OVOL2: variants seen among roughly 807,000 people sequenced by gnomAD.
The protein encoded by OVOL2 is ovo like zinc finger 2, also known as transcription factor Ovo-like 2.
A neutral mutation model predicts 18.1 loss-of-function variants in OVOL2; 13 were observed. The ratio of observed to expected loss-of-function variants is 0.72; its 90% CI spans 0.47 to 1.14. The LOEUF (loss-of-function observed/expected upper bound fraction) is 1.14. Among genes scored for constraint, OVOL2 ranks in the 50% most tolerant of loss-of-function variants. The pLI is 0.00. For synonymous variants in OVOL2, 166 were observed against 162.7 expected, an observed-to-expected ratio of 1.02 and a Z score of -0.16; for missense variants, 335 against 383.0, an observed-to-expected ratio of 0.87 and a Z score of 1.05.
chr20:18,057,581 G>A lies in OVOL2; in HGVS notation c.54C>T (p.Ser18=). 6.3e-7 allele frequency: 1 copy of A among 1,597,924 alleles called. No homozygotes were observed. Among genetic ancestry groups the A allele is most frequent in the Non-Finnish European group, 8.5e-7 (1 of 1,172,130 alleles). ...TTTTCTCATCCGGGAGCTCATCCCA[G>A]CTGCGGACCGAGACCCCCAGGCTCC... ...KRRSLGVSVR[S]WDELPDEKRA... is the part of the protein sequence containing the mutation. Residue 18 remains serine, a synonymous_variant, in exon 1 of 4, where the codon AGC becomes AGT. Transcript: ENST00000278780. This position sits in a 1 kb window ranked among gnomAD's most constrained non-coding sequence, Gnocchi z 6.3.
intron 3 of OVOL2, among the ~76,000 whole-genome samples, chr20:18,028,785 C>G (rs776253033): frequency 6.6e-6 from 1 of 151,616 alleles, no homozygotes; most frequent in Admixed American, 6.6e-5. Flanking sequence ...AGAGCGAGAC[C>G]CTGTCTCAAA....
intron 2 of OVOL2, among the ~76,000 whole-genome samples, chr20:18,051,241 A>G (rs890455548): frequency 6.6e-6 from 1 of 152,022 alleles, no homozygotes; most frequent in Non-Finnish European, 1.5e-5. Flanking sequence ...GAAAGAAAAG[A>G]AAGAACTAAT....
rs146526409 is a variant in OVOL2, at chr20:18,030,272, C to T, written c.512-5320G>A. On this transcript the variant is annotated intron_variant, in intron 3 of 3. Coordinates refer to ENST00000278780, the MANE Select transcript of OVOL2 (RefSeq NM_021220.4). ...GGCTCCCACTACCCAGTAGATCAAG[C>T]GGCAAACCCGATTTCCAACCTTCAG... is the stretch of plus-strand genomic sequence containing the variant. 2.0e-5 allele frequency among the ~76,000 whole-genome samples: 3 copies of T among 152,312 alleles called. No homozygotes were observed. The East Asian group carries it at 5.8e-4, about 29-fold the overall frequency.
chr20:18,043,403 A>G (rs6132020), intron 2 of OVOL2, among the ~76,000 whole-genome samples: 29,465 of 152,140 alleles, frequency 0.19, 3,183 homozygotes, highest in Non-Finnish European at 0.25. Context: ...CTTCCCTCTT[A>G]TAAGCCAGCT....
Position 18,024,371 on chromosome 20 carries a change from G to A in OVOL2, c.*265C>T, listed in dbSNP as rs975386744. The A allele has an allele frequency of 8.6e-6, 4 of 467,618 alleles. No individual in the cohort carries two copies. Among genetic ancestry groups the A allele is most frequent in the Middle Eastern group, 6.4e-4 (1 of 1,552 alleles). 29.0% of individuals were successfully genotyped at this position (467,618 alleles called of 1,614,324 possible). A position where few individuals can be genotyped will look rare whatever the true frequency, so the allele number is the denominator to read the frequency against. ...CTTGGGGGAAAAAAAAATCCCACAC[G>A]GTGTTCTTGGCCATCAGGATCATGA... On this transcript the variant is annotated 3_prime_UTR_variant, in exon 4 of 4. Transcript: ENST00000278780.
chr20:18,038,424 G>A lies in OVOL2; in HGVS notation c.511+3110C>T, dbSNP rs574638351. 1.4e-4 allele frequency among the ~76,000 whole-genome samples: 21 copies of A among 152,250 alleles called. 1 individual carries two copies. The South Asian group carries it at 4.3e-3, about 32-fold the overall frequency. ...AGATGGAAAAATTAAGGTGAAAGAC[G>A]AATAATTTAGAACAAGTCTCACAGT... On this transcript the variant is annotated intron_variant, in intron 3 of 3. Transcript: ENST00000278780.
chr20:18,037,680 C>A (rs1326586644), intron 3 of OVOL2, among the ~76,000 whole-genome samples: 3 of 152,170 alleles, frequency 2.0e-5, no homozygotes, highest in Non-Finnish European at 4.4e-5. Context: ...GCCCAGGAGT[C>A]AGGAGGTCCA....
intron 2 of OVOL2, among the ~76,000 whole-genome samples, chr20:18,048,016 G>A (rs1018673890): frequency 4.6e-5 from 7 of 151,870 alleles, no homozygotes; most frequent in Admixed American, 4.6e-4. Context: ...GGCCAGATAC[G>A]GTGGCTCCTG....
chr20:18,044,830 T>C (rs984650506), intron 2 of OVOL2, among the ~76,000 whole-genome samples: 9 of 152,120 alleles, frequency 5.9e-5, no homozygotes, highest in African/African-American at 2.2e-4. Context: ...GCAAAGAACA[T>C]TCCAGGAGAG....
At chr20:18,035,214 G>T (rs1246166367) in intron 3 of OVOL2, among the ~76,000 whole-genome samples, 1 of 152,198 alleles carries the variant, frequency 6.6e-6, no homozygotes, top group Non-Finnish European at 1.5e-5. Context: ...ACTTTGGAAG[G>T]GTAAGGCAGG....
At chr20:18,058,017 G>T, upstream of OVOL2, 1 of 328,144 alleles carries the variant, frequency 3.0e-6, no homozygotes, top group Non-Finnish European at 4.8e-6. Context: ...CCTTCCTTAG[G>T]CATGAATGTT....
rs375022280 is a variant in OVOL2, at chr20:18,041,665, C to A, written c.380G>T (p.Gly127Val). 31 of 1,613,986 alleles carry A rather than the reference C, an allele frequency of 1.9e-5. No homozygotes were observed. Among genetic ancestry groups the A allele is most frequent in the Non-Finnish European group, 2.5e-5 (30 of 1,180,030 alleles). ...VVHSCDLCGK[G>V]FRLQRMLNRH... ...GTTCAGCATGCGCTGCAGACGGAAGCCCTTGCCACACAGGTCACAGCTGTG... is the reference window on the plus strand; with the variant it reads ...GTTCAGCATGCGCTGCAGACGGAAGACCTTGCCACACAGGTCACAGCTGTG... The change falls in exon 3 of 4, where the codon GGC becomes GTC. Residue 127 changes from glycine (G) to valine (V), a missense_variant. Physicochemically the swap from Gly to Val is moderately radical, Grantham distance 109. Coordinates refer to ENST00000278780, the MANE Select transcript of OVOL2 (RefSeq NM_021220.4).
intron 2 of OVOL2, among the ~76,000 whole-genome samples, chr20:18,046,944 A>C (rs77136133): frequency 5.4e-5 from 7 of 129,042 alleles, no homozygotes; most frequent in African/African-American, 2.1e-4. Flanking sequence ...CTGAAGGATC[A>C]AAAAAAAAAA....
upstream of OVOL2, chr20:18,057,930 C>A: frequency 8.2e-7 from 1 of 1,224,988 alleles, no homozygotes; most frequent in Non-Finnish European, 1.0e-6. The surrounding 1 kb of genome is among the most constrained non-coding windows in gnomAD (Gnocchi z 6.3). Flanking sequence ...ACTGAGCATG[C>A]GCCCTGCAAC....
intron 2 of OVOL2, among the ~76,000 whole-genome samples, chr20:18,052,575 C>T (rs917604247): frequency 6.6e-6 from 1 of 152,126 alleles, no homozygotes; most frequent in African/African-American, 2.4e-5. Context: ...ATGACTATGC[C>T]TTTGAGATTG....
Position 18,056,687 on chromosome 20 carries a change from C to T in OVOL2, c.291G>A (p.Lys97=). Residue 97 remains lysine (K), a synonymous_variant, in exon 2 of 4, where the codon AAG becomes AAA. Transcript: ENST00000278780. The surrounding 1 kb of genome is among the most constrained non-coding windows in gnomAD (Gnocchi z 4.2). ...TTTTCGATCTGGCGACCGGGCGCTG[C>T]TTGGTCGCCAGGTGTCCATCGGGGC... ...AEGPDGHLAT[K]QRPVARSKIK... is the part of the protein sequence containing the mutation. 1 of 1,439,534 alleles carries T rather than the reference C, an allele frequency of 6.9e-7. No homozygotes were observed. The highest frequency in any genetic ancestry group is 1.5e-5 in the South Asian group (1 of 66,668). 89.2% of individuals were successfully genotyped at this position (1,439,534 alleles called of 1,614,324 possible). A position where few individuals can be genotyped will look rare whatever the true frequency, so the allele number is the denominator to read the frequency against.
In OVOL2 at chr20:18,056,491, C is replaced by A. The variant is rs987220895; in HGVS notation, c.321+166G>T. ...CTGCGGGCGGGAGGACGCGCCGAGG[C>A]GCCCTGGCCGCCGCCCAGGGGCAGG... On this transcript the variant is annotated intron_variant, in intron 2 of 3. Coordinates refer to ENST00000278780, the MANE Select transcript of OVOL2 (RefSeq NM_021220.4). This position sits in a 1 kb window ranked among gnomAD's most constrained non-coding sequence, Gnocchi z 4.2. 3.3e-5 allele frequency among the ~76,000 whole-genome samples: 5 copies of A among 150,744 alleles called. No homozygotes were observed. The highest frequency in any genetic ancestry group is 1.2e-4 in the African/African-American group (5 of 41,240).
chr20:18,033,824 C>T (rs1018052977), intron 3 of OVOL2, among the ~76,000 whole-genome samples: 3 of 152,154 alleles, frequency 2.0e-5, no homozygotes, highest in Non-Finnish European at 4.4e-5. Flanking sequence ...TCCTCCCAAA[C>T]CAAATCGTTT....
rs1221093280 is a variant in OVOL2, at chr20:18,057,547, T to C, written c.88A>G (p.Thr30Ala). Residue 30 changes from threonine (T) to alanine (A), a missense_variant, in exon 1 of 4, where the codon ACC (threonine) becomes GCC (alanine). Transcript: ENST00000278780. This position sits in a 1 kb window ranked among gnomAD's most constrained non-coding sequence, Gnocchi z 6.3. ...DELPDEKRAD[T>A]YIPVGLGRLL... ...CGCGCGCGCTCACCTGGGATGTAGG[T>C]GTCTGCCCTTTTCTCATCCGGGAGC... The C allele has an allele frequency of 6.3e-7, 1 of 1,582,826 alleles. No homozygotes were observed. Among genetic ancestry groups the C allele is most frequent in the Admixed American group, 1.8e-5 (1 of 56,590 alleles).
Sources: allele counts gnomAD v4.1 joint callset (sites outside exome capture counted in the v4.1 genomes callset), GRCh38; gene constraint gnomAD v4.1.1; non-coding constraint Gnocchi (gnomAD v3.1); transcripts MANE v1.5; gene names NCBI Gene and HGNC (gene_info 2026-07-23, HGNC 2026-07-21).